Variants in SF3B3 observed in about 807,000 individuals in gnomAD.
SF3B3 encodes splicing factor 3b subunit 3.
SF3B3 carries 33 observed loss-of-function variants against 139.2 expected under a neutral mutation model. That is an observed-to-expected ratio of 0.24 (90% CI 0.18 to 0.32). The LOEUF (loss-of-function observed/expected upper bound fraction) is 0.32, where lower values mean the gene tolerates loss of function less well. Ranked by LOEUF, SF3B3 falls within the 10% of genes least tolerant of loss-of-function variation. The probability of loss-of-function intolerance (pLI) is 1.00; values close to 1 mark genes in which losing one functional copy is unlikely to be tolerated. For missense variants in SF3B3, 818 were observed against 1,509.4 expected (o/e 0.54, Z 7.59); for synonymous variants, 596 against 563.6 (o/e 1.06, Z -0.81).
At chr16:70,536,535 T>G (rs1469593054) in intron 6 of SF3B3, among the ~76,000 whole-genome samples, 1 of 151,766 alleles carries the variant, frequency 6.6e-6, no homozygotes, top group Non-Finnish European at 1.5e-5. Context: ...CGGCTAATTT[T>G]TTTTTTTTTG....
At chr16:70,556,751 C>A (rs2050382578) in intron 14 of SF3B3, 135 bp from the exon 15 acceptor site, 2 of 890,988 alleles carry the variant, frequency 2.2e-6, no homozygotes, top group South Asian at 1.5e-5. Flanking sequence ...TCAGTACTCT[C>A]TTAGAACTCA....
intron 5 of SF3B3, among the ~76,000 whole-genome samples, chr16:70,534,029 A>G (rs2050144971): frequency 6.6e-6 from 1 of 152,322 alleles, no homozygotes; most frequent in East Asian, 1.9e-4. Flanking sequence ...TGGTGAATAC[A>G]GATAAATAAC....
Position 70,570,082 on chromosome 16 carries a change from C to T in SF3B3, c.3341C>T (p.Ser1114Leu). ...LQKTTLIPGGSESLVYTTLSG... is the reference protein window; with the variant it reads ...LQKTTLIPGGLESLVYTTLSG... ...AAGACCACGCTGATCCCTGGAGGCT[C>T]AGAATCACTTGTCTATACCACCTTG... The change falls in exon 24 of 26, where the codon TCA becomes TTA. Residue 1114 changes from serine (S) to leucine (L), a missense_variant. Ser to Leu is a moderately radical substitution (Grantham distance 145). This residue lies in a region of SF3B3 where 91 missense variants were observed against 171.8 expected (regional missense o/e 0.53). Transcript: ENST00000302516. 6.2e-7 allele frequency: 1 copy of T among 1,614,092 alleles called. No homozygotes were observed. Among genetic ancestry groups the T allele is most frequent in the Non-Finnish European group, 8.5e-7 (1 of 1,180,030 alleles).
intron 14 of SF3B3, 28 bp from the exon 15 acceptor site, chr16:70,556,858 G>C: frequency 6.2e-7 from 1 of 1,613,382 alleles, no homozygotes. Context: ...CATTTTCTGT[G>C]TTTTTATGAT....
At chr16:70,544,604 C>A in intron 10 of SF3B3, 71 bp downstream of exon 10, 1 of 857,268 alleles carries the variant, frequency 1.2e-6, no homozygotes, top group East Asian at 2.4e-5. Context: ...TATGGGTTTA[C>A]TCTGATGTTG....
At chr16:70,531,306 C>G (rs925264690) in intron 4 of SF3B3, among the ~76,000 whole-genome samples, 2 of 152,038 alleles carry the variant, frequency 1.3e-5, no homozygotes, top group Admixed American at 6.5e-5. Context: ...CTTGTGCATA[C>G]CTTTTTTTCT....
intron 12 of SF3B3, 37 bp from the exon 13 acceptor site, chr16:70,555,013 AT>A (rs1386232373): frequency 6.3e-7 from 1 of 1,599,870 alleles, no homozygotes. Context: ...GATGAATCAA[AT>A]TGTTAAAGTC....
intron 14 of SF3B3, 100 bp downstream of exon 14, chr16:70,556,434 G>A (rs2050380326): frequency 7.4e-7 from 1 of 1,355,774 alleles, no homozygotes; most frequent in African/African-American, 1.4e-5. Flanking sequence ...CTATCTCTGA[G>A]ATCAGCTGGG....
At position 70,572,222 on chromosome 16, in the gene SF3B3, G is replaced by A. The variant is rs1597726523; in HGVS notation, c.*409G>A. ...GAAGGAGGCAGGCTGTGGTGGGACT[G>A]GGTAGGGTATAGTATCACTCCTGAG... On this transcript the variant is annotated 3_prime_UTR_variant, in exon 26 of 26. Coordinates refer to ENST00000302516, the MANE Select transcript of SF3B3 (RefSeq NM_012426.5). 2.3e-6 allele frequency: 1 copy of A among 440,146 alleles called. No homozygotes were observed. Among genetic ancestry groups the A allele is most frequent in the Non-Finnish European group, 4.6e-6 (1 of 219,500 alleles). 27.3% of individuals were successfully genotyped at this position (440,146 alleles called of 1,614,324 possible).
At position 70,563,961 on chromosome 16, in the gene SF3B3, C is replaced by T. The variant is rs775732451; in HGVS notation, c.2374C>T (p.Pro792Ser). The T allele has an allele frequency of 3.1e-6, 5 of 1,614,082 alleles. No individual in the cohort carries two copies. In the Admixed American group the frequency reaches 5.0e-5, roughly 16 times the overall value. Residue 792 changes from proline (P) to serine (S), a missense_variant, in exon 18 of 26, where the codon CCT (proline) becomes TCT (serine). This residue lies in a region of SF3B3 where 34 missense variants were observed against 30.5 expected (regional missense o/e 1.12). Transcript: ENST00000302516. ...CACACCCAGGAAATTTGTCATCCAC[C>T]CTGAGAGTAACAACCTTATTATCAT... ...QYTPRKFVIH[P>S]ESNNLIIIET...
intron 16 of SF3B3, 109 bp downstream of exon 16, chr16:70,560,700 G>C: frequency 1.5e-6 from 2 of 1,291,628 alleles, no homozygotes; most frequent in Non-Finnish European, 1.1e-6. Context: ...ACTCCATCTT[G>C]ATTGGTTTCC....
At chr16:70,529,300 G>A (rs890631460) in intron 3 of SF3B3, 101 bp downstream of exon 3, 11 of 970,408 alleles carry the variant, frequency 1.1e-5, no homozygotes, top group Middle Eastern at 2.2e-4. Context: ...TGTGGGTTTG[G>A]CATCATGTTT....
chr16:70,556,541 A>G, intron 14 of SF3B3: 1 of 629,476 alleles, frequency 1.6e-6, no homozygotes, highest in Non-Finnish European at 2.8e-6. Context: ...GAGACTACAG[A>G]AATGTTTCTT....
In SF3B3 at chr16:70,535,393, T is replaced by C. The variant is rs746566604; in HGVS notation, c.798T>C (p.Asp266=). The change falls in exon 6 of 26, where the codon GAT becomes GAC. Residue 266 remains aspartate, a synonymous_variant. Coordinates refer to ENST00000302516, the MANE Select transcript of SF3B3 (RefSeq NM_012426.5). Reference sequence around the variant, plus strand: ...ACAAGAACTTTGGTGACCAGCCAGATATCCGCTGTCCAATTCCCAGGAGGC... The same window carrying C: ...ACAAGAACTTTGGTGACCAGCCAGACATCCGCTGTCCAATTCCCAGGAGGC... The part of the protein sequence containing the change: ...ITYKNFGDQP[D]IRCPIPRRRN... 6.2e-7 allele frequency: 1 copy of C among 1,609,284 alleles called. No homozygotes were observed. The highest frequency in any genetic ancestry group is 1.7e-4 in the Middle Eastern group (1 of 6,046).
rs946315665 is a variant in SF3B3, at chr16:70,573,567, A to G, written c.*1754A>G. The G allele has an allele frequency of 5.9e-5, 9 of 152,230 alleles. No homozygotes were observed. The highest frequency in any genetic ancestry group is 1.9e-4 in the African/African-American group (8 of 41,458). The allele number at this position is 152,230 out of a possible 1,614,324, so 9.4% of individuals were successfully genotyped here. A position where few individuals can be genotyped will look rare whatever the true frequency, so the allele number is the denominator to read the frequency against. On this transcript the variant is annotated 3_prime_UTR_variant, in exon 26 of 26. Transcript: ENST00000302516. ...GGCTAGGACAAGGATTTGGGCTTGA[A>G]TATGTGGAAAGGAATTTTCATAGTT...
chr16:70,548,530 T>C lies in SF3B3; in HGVS notation c.1402+88T>C, dbSNP rs1041357480. 2.6e-6 allele frequency: 3 copies of C among 1,149,998 alleles called. No homozygotes were observed. The Admixed American group carries it at 5.2e-5, about 20-fold the overall frequency. The allele number at this position is 1,149,998 out of a possible 1,614,324, so 71.2% of individuals were successfully genotyped here. A position where few individuals can be genotyped will look rare whatever the true frequency, so the allele number is the denominator to read the frequency against. ...AAAGGCTGCGTTCATAATACTTCTG[T>C]ATCATTTCATTTAGCACCATATACC... is the stretch of plus-strand genomic sequence containing the variant. On this transcript the variant is annotated intron_variant, in intron 11 of 25. Transcript: ENST00000302516.
chr16:70,534,030 G>C (rs2050144989), intron 5 of SF3B3, among the ~76,000 whole-genome samples: 1 of 152,158 alleles, frequency 6.6e-6, no homozygotes, highest in Non-Finnish European at 1.5e-5. Flanking sequence ...GGTGAATACA[G>C]ATAAATAACC....
At chr16:70,562,212 T>G (rs1479513129) in intron 17 of SF3B3, among the ~76,000 whole-genome samples, 6 of 152,208 alleles carry the variant, frequency 3.9e-5, no homozygotes, top group African/African-American at 1.2e-4. Context: ...CTGTTCTTCC[T>G]GGTAATATTG....
chr16:70,535,452 T>G, intron 6 of SF3B3, 32 bp downstream of exon 6: 1 of 1,312,590 alleles, frequency 7.6e-7, no homozygotes. Flanking sequence ...GAGAGAGATT[T>G]GTGTTTAATT....
Sources: gnomAD v4.1 joint callset for allele counts (sites outside exome capture counted in the v4.1 genomes callset) on GRCh38, gnomAD v4.1.1 for gene constraint, gnomAD v4.1.1 regional missense constraint, MANE v1.5 for transcripts, NCBI Gene and HGNC (gene_info 2026-07-23, HGNC 2026-07-21) for gene names.